Variants in LAMA1 observed in about 807,000 individuals in gnomAD.
LAMA1 encodes laminin subunit alpha 1.
LAMA1 carries 219 observed loss-of-function variants against 348.7 expected under a neutral mutation model. The observed-to-expected ratio is 0.63, with a 90% CI of 0.56 to 0.70. LAMA1 has a LOEUF of 0.70. Among genes scored for constraint, LAMA1 ranks in the 30% least tolerant of loss-of-function variants. LAMA1 has a pLI of 0.00. For missense variants in LAMA1, 3,744 were observed against 3,888.0 expected (o/e 0.96, Z 0.99); for synonymous variants, 1,487 against 1,491.0 (o/e 1.00, Z 0.06).
At chr18:7,112,038 C>T (rs972337923) in intron 1 of LAMA1, among the ~76,000 whole-genome samples, 2 of 152,076 alleles carry the variant, frequency 1.3e-5, no homozygotes, top group Non-Finnish European at 2.9e-5. Context: ...AACTCAACTT[C>T]TCTATATCAT....
intron 57 of LAMA1, chr18:6,954,781 C>CCGTATCATTAAAAA: frequency 2.6e-5 from 5 of 191,114 alleles, no homozygotes; most frequent in South Asian, 1.0e-4. Flanking sequence ...ACGGGCAGGG[C>CCGTATCATTAAAAA]ATGGCAGAGA....
chr18:7,042,018 G>A (rs2058022524), intron 9 of LAMA1, 127 bp downstream of exon 9: 13 of 728,966 alleles, frequency 1.8e-5, no homozygotes, highest in South Asian at 1.5e-4. Context: ...TGCTTGATAC[G>A]TACTTGGTGA....
At chr18:7,045,554 T>C (rs1464905633) in intron 6 of LAMA1, among the ~76,000 whole-genome samples, 1 of 152,136 alleles carries the variant, frequency 6.6e-6, no homozygotes, top group African/African-American at 2.4e-5. Context: ...AACTGTTAAA[T>C]CTTTTTTTTA....
rs762040429 is a variant in LAMA1, at chr18:6,977,892, C to G, written c.6191-11G>C. On this transcript the variant is annotated splice_polypyrimidine_tract_variant and intron_variant, in intron 43 of 62. Transcript: ENST00000389658. ...TTCCAGCCAACAGAGCTAACAAATA[C>G]AAGAAGGCAAGGGGTGGCAAGAAAG... The G allele has an allele frequency of 2.5e-6, 4 of 1,609,528 alleles. No homozygotes were observed. The highest frequency in any genetic ancestry group is 3.4e-6 in the Non-Finnish European group (4 of 1,179,926).
In LAMA1 at chr18:7,080,277, C is replaced by T. The variant is rs757473839; in HGVS notation, c.232+10G>A. 3.3e-5 allele frequency: 53 copies of T among 1,613,946 alleles called. No homozygotes were observed. The highest frequency in any genetic ancestry group is 1.7e-4 in the Middle Eastern group (1 of 5,990). Reference sequence around the variant, plus strand: ...CATGGGAATTTCAGAAATAAAGGCGCGACACTTGCCTCTGGGGTTTGCGCT... The same window carrying T: ...CATGGGAATTTCAGAAATAAAGGCGTGACACTTGCCTCTGGGGTTTGCGCT... On this transcript the variant is annotated intron_variant, in intron 2 of 62. Transcript: ENST00000389658.
At chr18:6,996,880 A>G (rs1292380977) in intron 33 of LAMA1, among the ~76,000 whole-genome samples, 1 of 152,062 alleles carries the variant, frequency 6.6e-6, no homozygotes, top group African/African-American at 2.4e-5. Flanking sequence ...CCCTTTTTTG[A>G]CCCAGGCTCT....
chr18:7,060,855 T>C (rs2058099505), intron 3 of LAMA1, among the ~76,000 whole-genome samples: 1 of 152,162 alleles, frequency 6.6e-6, no homozygotes, highest in South Asian at 2.1e-4. Flanking sequence ...AATAGTATTG[T>C]TGTTTTAAAA....
chr18:7,106,436 T>C (rs1172285591), intron 1 of LAMA1, among the ~76,000 whole-genome samples: 4 of 151,234 alleles, frequency 2.6e-5, no homozygotes, highest in African/African-American at 9.7e-5. Context: ...CTCAGCTCAC[T>C]ACAACCTCCA....
chr18:7,074,514 C>T (rs923939438), intron 3 of LAMA1, among the ~76,000 whole-genome samples: 1 of 152,090 alleles, frequency 6.6e-6, no homozygotes, highest in African/African-American at 2.4e-5. Flanking sequence ...AGAATAATTT[C>T]TCTTAAATTT....
Position 6,995,585 on chromosome 18 carries a change from G to T in LAMA1, c.4807-139C>A, listed in dbSNP as rs1241029913. 1.7e-5 allele frequency: 11 copies of T among 666,296 alleles called. No individual in the cohort carries two copies. In the Admixed American group the frequency reaches 2.6e-4, roughly 16 times the overall value. The allele number at this position is 666,296 out of a possible 1,614,324, so 41.3% of individuals were successfully genotyped here. A position where few individuals can be genotyped will look rare whatever the true frequency, so the allele number is the denominator to read the frequency against. On this transcript the variant is annotated intron_variant, in intron 33 of 62. Coordinates refer to ENST00000389658, the MANE Select transcript of LAMA1 (RefSeq NM_005559.4). ...GGAACTGTCATTTTAAAAAAAAATG[G>T]ATCACATTTACTTAGGTTTCGATTA...
chr18:6,986,002 C>T (rs761935764), intron 37 of LAMA1, 135 bp downstream of exon 37: 1 of 903,168 alleles, frequency 1.1e-6, no homozygotes, highest in African/African-American at 1.6e-5. Flanking sequence ...TCATGATCTG[C>T]CTGCCTCGGC....
intron 36 of LAMA1, among the ~76,000 whole-genome samples, chr18:6,988,975 C>T (rs968523291): frequency 2.0e-5 from 3 of 152,254 alleles, no homozygotes; most frequent in South Asian, 2.1e-4. Context: ...AGGTGGGCTG[C>T]GTTCCCACTG....
intron 1 of LAMA1, among the ~76,000 whole-genome samples, 162 bp downstream of exon 1, chr18:7,117,498 C>T (rs932410576): frequency 2.6e-5 from 4 of 152,076 alleles, no homozygotes; most frequent in Non-Finnish European, 5.9e-5. Flanking sequence ...CCAGCCCTCC[C>T]CGGCAAGCGC....
chr18:6,959,769 C>T (rs1218982323), intron 53 of LAMA1: 10 of 400,858 alleles, frequency 2.5e-5, no homozygotes, highest in South Asian at 1.4e-4. Flanking sequence ...CATTAGATAC[C>T]AATAAGTAGA....
At chr18:7,032,451 C>T (rs566846947) in intron 15 of LAMA1, among the ~76,000 whole-genome samples, 1 of 152,280 alleles carries the variant, frequency 6.6e-6, no homozygotes, top group East Asian at 1.9e-4. Flanking sequence ...GTCTTACGGC[C>T]TATTCTTGTT....
intron 3 of LAMA1, among the ~76,000 whole-genome samples, 192 bp from the exon 4 acceptor site, chr18:7,051,128 T>C (rs1268102603): frequency 6.6e-6 from 1 of 152,152 alleles, no homozygotes; most frequent in South Asian, 2.1e-4. Flanking sequence ...ATACCAAGTT[T>C]CAGTTATGCA....
At chr18:7,048,218 AT>A (rs1442306827) in intron 5 of LAMA1, among the ~76,000 whole-genome samples, 2 of 152,220 alleles carry the variant, frequency 1.3e-5, no homozygotes, top group African/African-American at 4.8e-5. Flanking sequence ...GACAAAAAAA[AT>A]CTGATCGTAT....
intron 34 of LAMA1, 65 bp from the exon 35 acceptor site, chr18:6,993,817 C>T (rs191739162): frequency 6.3e-5 from 58 of 915,296 alleles, no homozygotes; most frequent in Non-Finnish European, 8.7e-5. Flanking sequence ...TTAAATAATA[C>T]GCAAGTTGTA....
intron 42 of LAMA1, among the ~76,000 whole-genome samples, chr18:6,979,627 C>T (rs374319738): frequency 7.2e-4 from 110 of 152,324 alleles, no homozygotes; most frequent in African/African-American, 2.2e-3. Context: ...AGGCCAGGCG[C>T]GGTGGCTCAC....
Sources: gnomAD v4.1 joint callset for allele counts (sites outside exome capture counted in the v4.1 genomes callset) on GRCh38, gnomAD v4.1.1 for gene constraint, MANE v1.5 for transcripts, NCBI Gene and HGNC (gene_info 2026-07-23, HGNC 2026-07-21) for gene names.